Variants in SUPT3H observed in about 807,000 individuals in gnomAD.
SUPT3H encodes transcription initiation protein SPT3 homolog.
A neutral mutation model predicts 44.3 loss-of-function variants in SUPT3H; 44 were observed. That is an observed-to-expected ratio of 0.99 (90% CI 0.78 to 1.28). The LOEUF (loss-of-function observed/expected upper bound fraction) is 1.28, where lower values mean the gene tolerates loss of function less well. Ranked by LOEUF, SUPT3H falls within the 50% of genes most tolerant of loss-of-function variation. The pLI is 0.00. For synonymous variants in SUPT3H, 124 were observed against 125.6 expected (o/e 0.99, Z 0.09); for missense variants, 380 against 387.1 (o/e 0.98, Z 0.15).
At chr6:45,273,328 T>C (rs1019232270) in intron 2 of SUPT3H, among the ~76,000 whole-genome samples, 2 of 152,228 alleles carry the variant, frequency 1.3e-5, no homozygotes. Flanking sequence ...CGTTCATTTG[T>C]AAACTGCTGA....
chr6:45,261,874 G>C (rs1291909270), intron 2 of SUPT3H, among the ~76,000 whole-genome samples: 1 of 152,118 alleles, frequency 6.6e-6, no homozygotes, highest in Non-Finnish European at 1.5e-5. Context: ...AACAGGGTCA[G>C]TAAAGTTTCA....
At chr6:45,009,340 C>G (rs74371086) in intron 5 of SUPT3H, among the ~76,000 whole-genome samples, 3,617 of 152,032 alleles carry the variant, frequency 0.024, 145 homozygotes, top group African/African-American at 0.081. Flanking sequence ...TTCCCTTTTT[C>G]TTTTGCTGTT....
chr6:44,923,882 T>C (rs866032009), intron 10 of SUPT3H, among the ~76,000 whole-genome samples: 5 of 151,948 alleles, frequency 3.3e-5, no homozygotes, highest in Admixed American at 3.3e-4. Flanking sequence ...CAGTTGGCAA[T>C]GTAGACTCAT....
chr6:45,336,286 T>G (rs866242585), intron 2 of SUPT3H, among the ~76,000 whole-genome samples: 32 of 151,444 alleles, frequency 2.1e-4, no homozygotes, highest in African/African-American at 5.3e-4. Flanking sequence ...TTCTTGATTA[T>G]GTAGTAAAGA....
chr6:44,902,465 T>C (rs939503723), intron 10 of SUPT3H, among the ~76,000 whole-genome samples: 5 of 152,094 alleles, frequency 3.3e-5, no homozygotes, highest in African/African-American at 1.2e-4. Context: ...AGGGATCAAT[T>C]CAACAAGAAG....
intron 1 of SUPT3H, among the ~76,000 whole-genome samples, chr6:45,372,980 T>A (rs1796298620): frequency 6.6e-6 from 1 of 152,160 alleles, no homozygotes; most frequent in Non-Finnish European, 1.5e-5. Context: ...GGCTAATTTT[T>A]GTATTTTTAG....
chr6:45,083,294 C>T (rs925759588), intron 3 of SUPT3H, among the ~76,000 whole-genome samples: 5 of 151,774 alleles, frequency 3.3e-5, no homozygotes, highest in African/African-American at 4.8e-5. Flanking sequence ...CAGGTTCAAG[C>T]GATTCTCTTA....
At chr6:45,089,815 T>C (rs1338669492) in intron 3 of SUPT3H, among the ~76,000 whole-genome samples, 1 of 152,048 alleles carries the variant, frequency 6.6e-6, no homozygotes, top group Non-Finnish European at 1.5e-5. Flanking sequence ...ATCTTGAGTC[T>C]TTCACAGTTC....
intron 10 of SUPT3H, among the ~76,000 whole-genome samples, chr6:44,834,898 A>G (rs1769531133): frequency 6.6e-6 from 1 of 152,106 alleles, no homozygotes; most frequent in Non-Finnish European, 1.5e-5. Context: ...GAAGGAAGGA[A>G]CACAACTTAA....
chr6:44,847,401 T>C (rs140857592), intron 10 of SUPT3H, among the ~76,000 whole-genome samples: 42 of 152,334 alleles, frequency 2.8e-4, no homozygotes, highest in African/African-American at 9.9e-4. Context: ...TGTTTACGTA[T>C]ACCTATCGCC....
chr6:44,909,031 A>AT (rs1766568819), intron 10 of SUPT3H, among the ~76,000 whole-genome samples: 1 of 152,100 alleles, frequency 6.6e-6, no homozygotes, highest in African/African-American at 2.4e-5. Context: ...ACTAGCATAT[A>AT]TATGTATACA....
At chr6:45,305,091 C>T (rs1266353827) in intron 2 of SUPT3H, among the ~76,000 whole-genome samples, 1 of 152,160 alleles carries the variant, frequency 6.6e-6, no homozygotes, top group African/African-American at 2.4e-5. Flanking sequence ...TTTCATGAGG[C>T]ATAAATTCCA....
chr6:44,966,467 A>G (rs867439069), intron 6 of SUPT3H, among the ~76,000 whole-genome samples: 13 of 151,550 alleles, frequency 8.6e-5, no homozygotes, highest in Middle Eastern at 3.4e-3. Context: ...CCATCTCAAT[A>G]AAGAGTAAGC....
At chr6:45,351,428 G>C (rs961541292) in intron 2 of SUPT3H, among the ~76,000 whole-genome samples, 4 of 152,102 alleles carry the variant, frequency 2.6e-5, no homozygotes, top group Non-Finnish European at 4.4e-5. Context: ...GTGAGGAAGA[G>C]AGAAAAATAA....
intron 3 of SUPT3H, among the ~76,000 whole-genome samples, chr6:45,034,726 A>C (rs1249159334): frequency 1.3e-5 from 2 of 152,186 alleles, no homozygotes; most frequent in African/African-American, 4.8e-5. Context: ...CTGACACTTT[A>C]CATTATTTTT....
At chr6:45,306,946 T>C (rs1197346568) in intron 2 of SUPT3H, among the ~76,000 whole-genome samples, 1 of 152,202 alleles carries the variant, frequency 6.6e-6, no homozygotes, top group African/African-American at 2.4e-5. Context: ...CCAATGATCT[T>C]AGCAAACGGC....
intron 2 of SUPT3H, among the ~76,000 whole-genome samples, chr6:45,180,349 C>A (rs1279725844): frequency 6.7e-6 from 1 of 150,136 alleles, no homozygotes; most frequent in Non-Finnish European, 1.5e-5. Context: ...ACTCTCTTCA[C>A]AGAATTGGAA....
chr6:45,020,847 C>T (rs1051621580), intron 3 of SUPT3H, among the ~76,000 whole-genome samples: 1 of 151,886 alleles, frequency 6.6e-6, no homozygotes, highest in Non-Finnish European at 1.5e-5. Context: ...GTAACCAATA[C>T]AATAAACAGA....
At chr6:44,901,564 G>T (rs1487774546) in intron 10 of SUPT3H, among the ~76,000 whole-genome samples, 1 of 151,968 alleles carries the variant, frequency 6.6e-6, no homozygotes, top group African/African-American at 2.4e-5. Context: ...ACCTGAAAGT[G>T]ACAGGGAGAA....
Sources: gnomAD v4.1 joint callset for allele counts (sites outside exome capture counted in the v4.1 genomes callset) on GRCh38, gnomAD v4.1.1 for gene constraint, MANE v1.5 for transcripts, NCBI Gene and HGNC (gene_info 2026-07-23, HGNC 2026-07-21) for gene names.